ACTL6A: variants seen among roughly 807,000 people sequenced by gnomAD.
ACTL6A encodes actin like 6A, also known as actin-like protein 6A.
Under a neutral mutation model 59.2 loss-of-function variants are expected in ACTL6A, and 5 were observed. The ratio of observed to expected loss-of-function variants is 0.08; its 90% confidence interval spans 0.04 to 0.18. The LOEUF (loss-of-function observed/expected upper bound fraction) is 0.18, where lower values mean the gene tolerates loss of function less well. ACTL6A is among the 10% of genes least tolerant of loss of function. ACTL6A has a pLI of 1.00. For synonymous variants in ACTL6A, 154 were observed against 171.8 expected (o/e 0.90, Z 0.81); for missense variants, 285 against 526.9 (o/e 0.54, Z 4.49).
In ACTL6A at chr3:179,581,136, G is replaced by A; in HGVS notation, c.946-4G>A. 1.2e-6 allele frequency: 2 copies of A among 1,613,770 alleles called. No homozygotes were observed. The highest frequency in any genetic ancestry group is 1.7e-5 in the Admixed American group (1 of 60,010). ...ATGTGACTACTTGTTTTCTTTTGTT[G>A]TAGGGGTTATCAGGAAACACAATGT... On this transcript the variant is annotated splice_region_variant and splice_polypyrimidine_tract_variant and intron_variant, in intron 10 of 13. Transcript: ENST00000429709.
At chr3:179,583,615 T>C (rs773793701) in intron 12 of ACTL6A, 167 bp downstream of exon 12, 2 of 503,686 alleles carry the variant, frequency 4.0e-6, no homozygotes, top group Non-Finnish European at 7.0e-6. Flanking sequence ...CTAGTTGACA[T>C]CTATTAGTTT....
chr3:179,583,057 A>C (rs575762287), intron 11 of ACTL6A, among the ~76,000 whole-genome samples: 1 of 152,278 alleles, frequency 6.6e-6, no homozygotes, highest in South Asian at 2.1e-4. Context: ...ACTGCATTCC[A>C]ATGTAGGCAA....
chr3:179,579,455 T>TATACAC (rs1553778005), intron 8 of ACTL6A, among the ~76,000 whole-genome samples: 42,672 of 144,936 alleles, frequency 0.29, 7,611 homozygotes, highest in East Asian at 0.51. Flanking sequence ...TTATATCATA[T>TATACAC]ACACACACAC....
At chr3:179,567,169 C>A (rs1037271641) in intron 1 of ACTL6A, among the ~76,000 whole-genome samples, 1 of 151,888 alleles carries the variant, frequency 6.6e-6, no homozygotes, top group African/African-American at 2.4e-5. Context: ...AGTTTGAGAC[C>A]AGCCTGGCCA....
At chr3:179,578,800 T>C (rs1476359516) in intron 8 of ACTL6A, among the ~76,000 whole-genome samples, 1 of 152,112 alleles carries the variant, frequency 6.6e-6, no homozygotes, top group Non-Finnish European at 1.5e-5. Context: ...GAGTCTTGCT[T>C]TGTCACCCAG....
chr3:179,580,611 T>C (rs1021608945), intron 8 of ACTL6A, 29 bp from the exon 9 acceptor site: 2 of 1,501,256 alleles, frequency 1.3e-6, no homozygotes, highest in East Asian at 4.6e-5. Context: ...ATCTCAACCT[T>C]GTTTGTTACT....
intron 8 of ACTL6A, 63 bp downstream of exon 8, chr3:179,576,976 G>A: frequency 1.5e-6 from 2 of 1,337,918 alleles, no homozygotes; most frequent in Non-Finnish European, 1.0e-6. Flanking sequence ...ATTAAAAAAA[G>A]TTATATATAG....
intron 12 of ACTL6A, among the ~76,000 whole-genome samples, chr3:179,584,575 C>G (rs1460079802): frequency 2.7e-5 from 4 of 149,934 alleles, no homozygotes; most frequent in African/African-American, 9.8e-5. Flanking sequence ...GAACTGAGAT[C>G]ACACCACTGC....
intron 1 of ACTL6A, 27 bp from the exon 2 acceptor site, chr3:179,569,797 A>G (rs752227779): frequency 6.9e-6 from 11 of 1,601,530 alleles, no homozygotes; most frequent in Non-Finnish European, 7.7e-6. Context: ...GCAAGCTGTT[A>G]ATGCTAATTA....
intron 1 of ACTL6A, 75 bp downstream of exon 1, chr3:179,563,192 C>T: frequency 1.3e-6 from 2 of 1,538,572 alleles, no homozygotes; most frequent in Non-Finnish European, 1.8e-6. Context: ...CCCAGCCCTC[C>T]CCTCCCCGGC....
In ACTL6A at chr3:179,580,964, C is replaced by T. The variant is rs1718322085; in HGVS notation, c.901C>T (p.Arg301Trp). Residue 301 changes from arginine to tryptophan, a missense_variant, in exon 10 of 14, where the codon CGG (arginine) becomes TGG (tryptophan). Arg to Trp is a moderately radical substitution (Grantham distance 101). Transcript: ENST00000429709. ...CTACAATTGTGATTTTGGTGCAGAG[C>T]GGCTAAAGATTCCAGAAGGATTATT... ...NGYNCDFGAE[R>W]LKIPEGLFDP... 4 of 1,584,834 alleles carry T rather than the reference C, an allele frequency of 2.5e-6. No homozygotes were observed. The highest frequency in any genetic ancestry group is 2.2e-5 in the East Asian group (1 of 44,810).
intron 1 of ACTL6A, among the ~76,000 whole-genome samples, chr3:179,566,938 C>A (rs1244721876): frequency 1.3e-5 from 2 of 152,092 alleles, no homozygotes; most frequent in African/African-American, 4.8e-5. Flanking sequence ...ATCTGCCCGC[C>A]TCTGCCTCCC....
rs763656249 is a variant in ACTL6A, at chr3:179,569,829, G to A, written c.31G>A (p.Val11Ile). The A allele has an allele frequency of 6.2e-7, 1 of 1,613,988 alleles. No individual in the cohort carries two copies. The highest frequency in any genetic ancestry group is 2.2e-5 in the East Asian group (1 of 44,878). The change falls in exon 2 of 14, where the codon GTT becomes ATT. Residue 11 changes from valine to isoleucine, a missense_variant. By Grantham distance (29) the Val-to-Ile change is conservative. Transcript: ENST00000429709. The part of the protein sequence containing the change: MSGGVYGGDE[V>I]GALVFDIGSY... Reference sequence around the variant, plus strand: ...ATTATCTTTAATCTTTTCAGATGAAGTTGGAGCCCTTGTTTTTGACATTGG... The same window carrying A: ...ATTATCTTTAATCTTTTCAGATGAAATTGGAGCCCTTGTTTTTGACATTGG...
chr3:179,586,875 ATG>A (rs925838616), intron 13 of ACTL6A, among the ~76,000 whole-genome samples: 95 of 152,284 alleles, frequency 6.2e-4, no homozygotes, highest in African/African-American at 2.0e-3. Flanking sequence ...AAATATGTTA[ATG>A]TATGCATGCC....
chr3:179,568,029 G>C (rs1717889645), intron 1 of ACTL6A, among the ~76,000 whole-genome samples: 1 of 151,848 alleles, frequency 6.6e-6, no homozygotes, highest in Non-Finnish European at 1.5e-5. Context: ...AAAATTAGCT[G>C]GGCATGGTGG....
At chr3:179,568,421 G>A (rs1717903266) in intron 1 of ACTL6A, among the ~76,000 whole-genome samples, 2 of 151,766 alleles carry the variant, frequency 1.3e-5, no homozygotes, top group Admixed American at 1.3e-4. Context: ...GATATTTTAA[G>A]AATAAAAATG....
intron 13 of ACTL6A, among the ~76,000 whole-genome samples, chr3:179,587,539 C>G (rs1718541371): frequency 6.6e-6 from 1 of 151,928 alleles, no homozygotes; most frequent in South Asian, 2.1e-4. Flanking sequence ...GGACGGGACT[C>G]TTAAATGAAT....
chr3:179,569,109 C>A (rs1717924413), intron 1 of ACTL6A, among the ~76,000 whole-genome samples: 1 of 152,164 alleles, frequency 6.6e-6, no homozygotes, highest in Non-Finnish European at 1.5e-5. Context: ...TATAGAATCA[C>A]CCTAGTTGAT....
intron 1 of ACTL6A, among the ~76,000 whole-genome samples, chr3:179,566,545 G>C (rs1475080584): frequency 1.3e-5 from 2 of 152,188 alleles, no homozygotes; most frequent in Non-Finnish European, 2.9e-5. Flanking sequence ...CACAATTCTA[G>C]AGGATAGAGG....
Sources: gnomAD v4.1 joint callset for allele counts (sites outside exome capture counted in the v4.1 genomes callset) on GRCh38, gnomAD v4.1.1 for gene constraint, MANE v1.5 for transcripts, NCBI Gene and HGNC (gene_info 2026-07-23, HGNC 2026-07-21) for gene names.